The following PPP1CA variants were observed in gnomAD, a reference collection of about 807,000 sequenced individuals.
PPP1CA encodes protein phosphatase 1 catalytic subunit alpha.
In PPP1CA, 14 loss-of-function variants were observed where a neutral mutation model predicts 38.5. The ratio of observed to expected loss-of-function variants is 0.36; its 90% confidence interval spans 0.24 to 0.57. The LOEUF (loss-of-function observed/expected upper bound fraction) is 0.57, where lower values mean the gene tolerates loss of function less well. PPP1CA is among the 20% of genes least tolerant of loss of function. PPP1CA has a pLI of 0.80. For missense variants in PPP1CA, 277 were observed against 435.2 expected (o/e 0.64, Z 3.23); for synonymous variants, 200 against 177.3 (o/e 1.13, Z -1.02).
chr11:67,398,842 GC>G lies in PPP1CA; in HGVS notation c.761del (p.Gly254AlafsTer11). ...GCTGCCGCTTGGCAAAGAACTCGTAGCCGTCTTCTACCACCTGGGCGAGGAT... is the reference window on the plus strand; with the variant it reads ...GCTGCCGCTTGGCAAAGAACTCGTAGCGTCTTCTACCACCTGGGCGAGGAT... ...ICRAHQVVED[G>X]YEFFAKRQLV... On this transcript the variant is annotated frameshift_variant, in exon 6 of 7. Transcript: ENST00000376745. LOFTEE classifies it high-confidence loss of function. The G allele has an allele frequency of 6.2e-7, 1 of 1,612,892 alleles. No individual in the cohort carries two copies. The highest frequency in any genetic ancestry group is 8.5e-7 in the Non-Finnish European group (1 of 1,180,000).
Position 67,401,765 on chromosome 11 carries a change from C to A in PPP1CA, c.18G>T (p.Lys6Asn), listed in dbSNP as rs1040508170. 2.0e-6 allele frequency: 3 copies of A among 1,478,228 alleles called. No individual in the cohort carries two copies. In the African/African-American group the frequency reaches 4.3e-5, roughly 21 times the overall value. The allele number at this position is 1,478,228 out of a possible 1,614,324, so 91.6% of individuals were successfully genotyped here. The part of the protein sequence containing the change: MSDSE[K>N]LNLDSIIGRL... ...GCCCGATGATCGAGTCCAGGTTGAG[C>A]TTCTCGCTGTCGGACATGGCGGCGC... Residue 6 changes from lysine (K) to asparagine (N), a missense_variant, in exon 1 of 7, where the codon AAG becomes AAT. This residue lies in a region of PPP1CA where 44 missense variants were observed against 27.4 expected (regional missense o/e 1.60). Coordinates refer to ENST00000376745, the MANE Select transcript of PPP1CA (RefSeq NM_002708.4).
At chr11:67,398,697 C>T (rs763774439) in intron 6 of PPP1CA, 25 bp downstream of exon 6, 47 of 1,612,862 alleles carry the variant, frequency 2.9e-5, no homozygotes, top group African/African-American at 5.3e-5. Flanking sequence ...CAGGGCCTAG[C>T]GGCTCCTTTC....
chr11:67,398,503 C>A lies in PPP1CA; in HGVS notation c.*32G>T. 1 of 1,599,010 alleles carries A rather than the reference C, an allele frequency of 6.3e-7. No individual in the cohort carries two copies. Among genetic ancestry groups the A allele is most frequent in the Non-Finnish European group, 8.6e-7 (1 of 1,169,118 alleles). The stretch of plus-strand genomic sequence containing the variant: ...CAGCATGATTTCTGTACAATCAATC[C>A]ATCATCTGGGGCACAGGGTGGTGTG... On this transcript the variant is annotated 3_prime_UTR_variant, in exon 7 of 7. Transcript: ENST00000376745.
chr11:67,401,454 C>T, intron 1 of PPP1CA: 1 of 630,196 alleles, frequency 1.6e-6, no homozygotes, highest in Non-Finnish European at 2.6e-6. Flanking sequence ...CGCAGGACCC[C>T]TTCCTGGACC....
chr11:67,400,517 G>C (rs1862862840), intron 3 of PPP1CA, among the ~76,000 whole-genome samples, 172 bp downstream of exon 3: 1 of 152,184 alleles, frequency 6.6e-6, no homozygotes, highest in African/African-American at 2.4e-5. Flanking sequence ...CCATTCCCCA[G>C]ACCCCATGCC....
Position 67,398,225 on chromosome 11 carries a change from G to T in PPP1CA, c.*310C>A. The T allele has an allele frequency of 2.4e-6, 1 of 417,388 alleles. No individual in the cohort carries two copies. The highest frequency in any genetic ancestry group is 2.9e-5 in the South Asian group (1 of 34,100). 25.9% of individuals were successfully genotyped at this position (417,388 alleles called of 1,614,324 possible). ...CTTTATTCAAGAGACCAGATGGGTT[G>T]CCCCAGGATCCGGCTGCCAGCCCTG... is the stretch of plus-strand genomic sequence containing the variant. On this transcript the variant is annotated 3_prime_UTR_variant, in exon 7 of 7. Coordinates refer to ENST00000376745, the MANE Select transcript of PPP1CA (RefSeq NM_002708.4).
rs2286619 is a variant in PPP1CA, at chr11:67,398,866, G to A, written c.748-10C>T. The A allele has an allele frequency of 0.037, 58,914 of 1,612,308 alleles. 1,375 individuals carry two copies. The highest frequency in any genetic ancestry group is 0.11 in the East Asian group (4,822 of 44,872). The stretch of plus-strand genomic sequence containing the variant: ...AGCCGTCTTCTACCACCTGGGCGAG[G>A]ATGGGAGCAGTCAGTCCCGAGCGCA... On this transcript the variant is annotated splice_polypyrimidine_tract_variant and intron_variant, in intron 5 of 6. Coordinates refer to ENST00000376745, the MANE Select transcript of PPP1CA (RefSeq NM_002708.4).
Position 67,399,068 on chromosome 11 carries a change from A to C in PPP1CA, c.619T>G (p.Ser207Ala). ...CCCTGCACGTCCTTGTCAGGGTCAG[A>C]CCACAGCAGGTCACACAGCAGGCCC... ...DQGLLCDLLWSDPDKDVQGWG... is the reference protein window; with the variant it reads ...DQGLLCDLLWADPDKDVQGWG... Residue 207 changes from serine to alanine, a missense_variant, in exon 5 of 7, where the codon TCT becomes GCT. Coordinates refer to ENST00000376745, the MANE Select transcript of PPP1CA (RefSeq NM_002708.4). The C allele has an allele frequency of 6.2e-7, 1 of 1,613,644 alleles. No homozygotes were observed. The highest frequency in any genetic ancestry group is 8.5e-7 in the Non-Finnish European group (1 of 1,180,022).
In PPP1CA at chr11:67,399,314, C is replaced by G. The variant is rs1043802259; in HGVS notation, c.524-151G>C. On this transcript the variant is annotated intron_variant, in intron 4 of 6. Transcript: ENST00000376745. Reference sequence around the variant, plus strand: ...CAGGCAGAAGTCATCCCCTTCCCCTCAGCTTTTTCAAGTTCCCAAACAGGC... The same window carrying G: ...CAGGCAGAAGTCATCCCCTTCCCCTGAGCTTTTTCAAGTTCCCAAACAGGC... The G allele has an allele frequency of 2.4e-5, 19 of 801,822 alleles. No homozygotes were observed. In the African/African-American group the frequency reaches 3.3e-4, roughly 14 times the overall value. The allele number at this position is 801,822 out of a possible 1,614,324, so 49.7% of individuals were successfully genotyped here. A position where few individuals can be genotyped will look rare whatever the true frequency, so the allele number is the denominator to read the frequency against.
Position 67,400,814 on chromosome 11 carries a change from T to C in PPP1CA, c.293A>G (p.Lys98Arg). 1 of 1,614,104 alleles carries C rather than the reference T, an allele frequency of 6.2e-7. No homozygotes were observed. The highest frequency in any genetic ancestry group is 8.5e-7 in the Non-Finnish European group (1 of 1,180,008). Residue 98 changes from lysine (K) to arginine (R), a missense_variant, in exon 3 of 7, where the codon AAG becomes AGG. Lys to Arg is a conservative substitution (Grantham distance 26). This residue lies in a region of PPP1CA where 180 missense variants were observed against 356.7 expected (regional missense o/e 0.50). Coordinates refer to ENST00000376745, the MANE Select transcript of PPP1CA (RefSeq NM_002708.4). ...LFLGDYVDRG[K>R]QSLETICLLL... ...CAGGCAGATGGTCTCCAAGGACTGC[T>C]TGCCCCTGTCCACATAGTCCCCCAG...
chr11:67,401,224 C>G (rs763867447), intron 1 of PPP1CA, 25 bp from the exon 2 acceptor site: 1 of 1,611,636 alleles, frequency 6.2e-7, no homozygotes, highest in Non-Finnish European at 8.5e-7. Context: ...GGTGTCAGGA[C>G]CCTGGACCCT....
chr11:67,401,694 G>A (rs917781583), intron 1 of PPP1CA, 34 bp downstream of exon 1: 2 of 1,380,902 alleles, frequency 1.4e-6, no homozygotes, highest in South Asian at 1.6e-5. Context: ...GGGCCAGGGC[G>A]CGGCGGACGC....
At position 67,401,726 on chromosome 11, in the gene PPP1CA, A is replaced by G. The variant is rs1362999265; in HGVS notation, c.55+2T>C. 1.4e-6 allele frequency: 2 copies of G among 1,467,566 alleles called. No homozygotes were observed. Among genetic ancestry groups the G allele is most frequent in the Admixed American group, 2.1e-5 (1 of 47,444 alleles). 90.9% of individuals were successfully genotyped at this position (1,467,566 alleles called of 1,614,324 possible). ...ACGCGGGCCTCCCCCGCCCCGACCA[A>G]CCTTCCAGCAGGCGCCCGATGATCG... is the stretch of plus-strand genomic sequence containing the variant. On this transcript the variant is annotated splice_donor_variant, in intron 1 of 6. Coordinates refer to ENST00000376745, the MANE Select transcript of PPP1CA (RefSeq NM_002708.4). LOFTEE classifies it high-confidence loss of function.
chr11:67,398,512 G>T lies in PPP1CA; in HGVS notation c.*23C>A. On this transcript the variant is annotated 3_prime_UTR_variant, in exon 7 of 7. Coordinates refer to ENST00000376745, the MANE Select transcript of PPP1CA (RefSeq NM_002708.4). ...TTCTGTACAATCAATCCATCATCTG[G>T]GGCACAGGGTGGTGTGCGGGGGCTA... The T allele has an allele frequency of 6.2e-7, 1 of 1,603,906 alleles. No individual in the cohort carries two copies. The highest frequency in any genetic ancestry group is 1.1e-5 in the South Asian group (1 of 90,282).
chr11:67,401,486 C>T, intron 1 of PPP1CA: 1 of 590,650 alleles, frequency 1.7e-6, no homozygotes, highest in South Asian at 2.6e-5. Context: ...GTTTCTCCCT[C>T]GCCCCAAGAG....
chr11:67,398,633 C>T lies in PPP1CA; in HGVS notation c.895G>A (p.Ala299Thr), dbSNP rs773623660. Residue 299 changes from alanine to threonine, a missense_variant, in exon 7 of 7, where the codon GCC becomes ACC. Physicochemically the swap from Ala to Thr is moderately conservative, Grantham distance 58. Transcript: ENST00000376745. ...LMCSFQILKP[A>T]DKNKGKYGQF... ...CCGTACTTCCCCTTGTTCTTGTCGG[C>T]GGGCTTGAGGATCTAAAAGAGACAG... 4.3e-6 allele frequency: 7 copies of T among 1,614,008 alleles called. No individual in the cohort carries two copies. Among genetic ancestry groups the T allele is most frequent in the South Asian group, 2.2e-5 (2 of 91,080 alleles).
intron 3 of PPP1CA, 98 bp downstream of exon 3, chr11:67,400,588 TATC>T: frequency 8.4e-7 from 1 of 1,188,990 alleles, no homozygotes; most frequent in Non-Finnish European, 1.2e-6. Context: ...GCGCACAGTC[TATC>T]AAGTGTCTGT....
chr11:67,398,580 G>A lies in PPP1CA; in HGVS notation c.948C>T (p.Gly316=), dbSNP rs1413964996. Reference sequence around the variant, plus strand: ...AATTGCGGGGTGGGGTGATGGGTCGGCCTCCAGGGTTCAGGCCACTGAACT... The same window carrying A: ...AATTGCGGGGTGGGGTGATGGGTCGACCTCCAGGGTTCAGGCCACTGAACT... ...YGQFSGLNPG[G]RPITPPRNSA... Residue 316 remains glycine, a synonymous_variant, in exon 7 of 7, where the codon GGC becomes GGT. Transcript: ENST00000376745. 1 of 1,614,096 alleles carries A rather than the reference G, an allele frequency of 6.2e-7. No individual in the cohort carries two copies. The highest frequency in any genetic ancestry group is 1.1e-5 in the South Asian group (1 of 91,086).
rs2134977076 is a variant in PPP1CA at position 67,398,480 on chromosome 11, G to A, written c.*55C>T. On this transcript the variant is annotated 3_prime_UTR_variant, in exon 7 of 7. Transcript: ENST00000376745. Reference sequence around the variant, plus strand: ...GGGGTGACCCCCCCCCAGCATGGCAGCATGATTTCTGTACAATCAATCCAT... The same window carrying A: ...GGGGTGACCCCCCCCCAGCATGGCAACATGATTTCTGTACAATCAATCCAT... The A allele has an allele frequency of 1.9e-6, 3 of 1,553,538 alleles. No homozygotes were observed. The highest frequency in any genetic ancestry group is 2.6e-6 in the Non-Finnish European group (3 of 1,133,150).
Sources: gnomAD v4.1 joint callset for allele counts (sites outside exome capture counted in the v4.1 genomes callset) on GRCh38, gnomAD v4.1.1 for gene constraint, gnomAD v4.1.1 regional missense constraint, MANE v1.5 for transcripts, NCBI Gene and HGNC (gene_info 2026-07-23, HGNC 2026-07-21) for gene names.